The following CFAP70 variants were observed in gnomAD, a reference collection of about 807,000 sequenced individuals.
CFAP70 encodes the protein cilia and flagella associated protein 70.
A neutral mutation model predicts 137.6 loss-of-function variants in CFAP70; 81 were observed. The ratio of observed to expected loss-of-function variants is 0.59; its 90% CI spans 0.49 to 0.71. The LOEUF (loss-of-function observed/expected upper bound fraction) is 0.71, where lower values mean the gene tolerates loss of function less well. Among genes scored for constraint, CFAP70 ranks in the 30% least tolerant of loss-of-function variants. CFAP70 has a pLI of 0.00. For missense variants in CFAP70, 976 were observed against 1,226.7 expected, an observed-to-expected ratio of 0.80 and a Z score of 3.05; for synonymous variants, 382 against 423.6, an observed-to-expected ratio of 0.90 and a Z score of 1.20.
chr10:73,306,258 GAAGA>G (rs2132043863), intron 12 of CFAP70, among the ~76,000 whole-genome samples: 1 of 152,142 alleles, frequency 6.6e-6, no homozygotes, highest in South Asian at 2.1e-4. Flanking sequence ...CCTTTCTAGA[GAAGA>G]AAGGGGGAAG....
At chr10:73,284,728 A>G (rs1236382700) in intron 19 of CFAP70, among the ~76,000 whole-genome samples, 1 of 81,392 alleles carries the variant, frequency 1.2e-5, no homozygotes, top group African/African-American at 4.7e-5. Flanking sequence ...TGGGCCATAT[A>G]TGACCTGCCA....
intron 23 of CFAP70, 34 bp from the exon 25 acceptor site, chr10:73,273,051 T>C: frequency 6.8e-7 from 1 of 1,474,056 alleles, no homozygotes; most frequent in South Asian, 1.2e-5. Context: ...GCTACTGTTC[T>C]AGAAGCTTCA....
intron 8 of CFAP70, among the ~76,000 whole-genome samples, chr10:73,325,170 G>A (rs1160852883): frequency 1.3e-5 from 2 of 152,094 alleles, no homozygotes; most frequent in Admixed American, 6.5e-5. Context: ...GAAGAGAGTG[G>A]GGGCCAATAT....
chr10:73,335,944 C>A (rs1283506627), intron 6 of CFAP70, among the ~76,000 whole-genome samples: 1 of 144,094 alleles, frequency 6.9e-6, no homozygotes. Flanking sequence ...AGTTCAAGAC[C>A]AGGCTGGCAA....
At chr10:73,279,925 T>A (rs1323440431) in intron 19 of CFAP70, among the ~76,000 whole-genome samples, 2 of 151,810 alleles carry the variant, frequency 1.3e-5, no homozygotes, top group African/African-American at 4.8e-5. Context: ...CATGTAAGTA[T>A]ATGAAAAAAA....
At position 73,330,310 on chromosome 10, in the gene CFAP70, C is replaced by T. The variant is rs182690024; in HGVS notation, c.777+867G>A. Among the ~76,000 whole-genome samples, 47 of 151,694 alleles carry T rather than the reference C, an allele frequency of 3.1e-4. 1 individual carries two copies. Among genetic ancestry groups the T allele is most frequent in the South Asian group, 1.5e-3 (7 of 4,800 alleles). ...GCTAAAAATACAAAAATTAGCCGGGCGTGGTGGTGTGTGCCTATAATCCCA... is the reference window on the plus strand; with the variant it reads ...GCTAAAAATACAAAAATTAGCCGGGTGTGGTGGTGTGTGCCTATAATCCCA... On this transcript the variant is annotated intron_variant, in intron 8 of 26. Transcript: ENST00000310715.
At chr10:73,335,326 TA>T in intron 7 of CFAP70, 103 bp downstream of exon 8, 2 of 682,596 alleles carry the variant, frequency 2.9e-6, no homozygotes, top group Non-Finnish European at 4.9e-6. Flanking sequence ...AGTCTCAATC[TA>T]AAATCACCTT....
intron 7 of CFAP70, among the ~76,000 whole-genome samples, chr10:73,333,499 A>G (rs1015260093): frequency 6.6e-6 from 1 of 152,130 alleles, no homozygotes; most frequent in African/African-American, 2.4e-5. Flanking sequence ...AAAAATCTTG[A>G]AAAAACCAGA....
chr10:73,338,075 TC>T (rs1400132026), intron 6 of CFAP70, among the ~76,000 whole-genome samples: 4 of 152,118 alleles, frequency 2.6e-5, no homozygotes, highest in African/African-American at 9.7e-5. Context: ...TGTGTTGTTT[TC>T]TTCTAAAAAC....
chr10:73,274,538 A>G, exon 23 of CFAP70: 1 of 1,614,196 alleles, frequency 6.2e-7, no homozygotes, highest in Non-Finnish European at 8.5e-7. Flanking sequence ...CCTTGGCCTC[A>G]GAATGATTTC....
intron 19 of CFAP70, among the ~76,000 whole-genome samples, chr10:73,279,633 A>G (rs2047108862): frequency 1.3e-5 from 2 of 152,062 alleles, no homozygotes; most frequent in Admixed American, 6.6e-5. Context: ...CTGAGGCAAG[A>G]GGACTGCTTA....
At chr10:73,260,846 AC>A (rs1301825650) in intron 25 of CFAP70, among the ~76,000 whole-genome samples, 8 of 152,312 alleles carry the variant, frequency 5.3e-5, no homozygotes, top group African/African-American at 1.9e-4. Flanking sequence ...CATTTTATTT[AC>A]CCATTCACTG....
chr10:73,291,653 G>A, exon 18 of CFAP70: 2 of 1,613,304 alleles, frequency 1.2e-6, no homozygotes, highest in Non-Finnish European at 1.7e-6. Flanking sequence ...GTAAAGTCCA[G>A]GCTACAACAT....
chr10:73,343,425 G>A (rs546157015), intron 5 of CFAP70, among the ~76,000 whole-genome samples: 8 of 151,506 alleles, frequency 5.3e-5, no homozygotes, highest in African/African-American at 1.9e-4. Flanking sequence ...ACTAGGACCT[G>A]GGGCTGGGTG....
intron 4 of CFAP70, among the ~76,000 whole-genome samples, chr10:73,345,555 C>T (rs565320490): frequency 2.0e-5 from 3 of 152,104 alleles, no homozygotes; most frequent in Non-Finnish European, 4.4e-5. Flanking sequence ...CCTGTAATCC[C>T]AGCACTTTGG....
intron 7 of CFAP70, among the ~76,000 whole-genome samples, chr10:73,334,488 T>C (rs2132332422): frequency 6.6e-6 from 1 of 152,182 alleles, no homozygotes; most frequent in African/African-American, 2.4e-5. Context: ...ACCTTGTGGA[T>C]GGAAGTCACA....
intron 25 of CFAP70, among the ~76,000 whole-genome samples, chr10:73,268,390 A>G (rs1464680403): frequency 6.6e-6 from 1 of 152,188 alleles, no homozygotes; most frequent in Non-Finnish European, 1.5e-5. Context: ...CATGTGGTCA[A>G]CCTTTATACA....
intron 19 of CFAP70, among the ~76,000 whole-genome samples, chr10:73,278,758 A>C (rs2046994020): frequency 6.6e-6 from 1 of 152,094 alleles, no homozygotes; most frequent in African/African-American, 2.4e-5. Context: ...AGGCAGGTGG[A>C]TCACGAGGTC....
intron 5 of CFAP70, 31 bp from the exon 7 acceptor site, chr10:73,341,612 A>G (rs1449322954): frequency 6.3e-7 from 1 of 1,578,954 alleles, no homozygotes; most frequent in Non-Finnish European, 8.6e-7. Context: ...TGTCAGGAAA[A>G]TTTGTAAAGG....
Sources: gnomAD v4.1 joint callset for allele counts (sites outside exome capture counted in the v4.1 genomes callset) on GRCh38, gnomAD v4.1.1 for gene constraint, MANE v1.5 for transcripts, NCBI Gene and HGNC (gene_info 2026-07-23, HGNC 2026-07-21) for gene names.